Variants in NXF2 observed in about 807,000 individuals in gnomAD.
NXF2 encodes TAP-like protein 2.
chrX:102,282,456 G>T (rs1352737758), intron 2 of NXF2, among the ~76,000 whole-genome samples: 6 of 110,756 alleles, frequency 5.4e-5, no homozygotes, highest in African/African-American at 2.0e-4. Flanking sequence ...CTATGTTTTG[G>T]TTCTCAGGGA....
chrX:102,282,322 A>C (rs1556384097), intron 2 of NXF2, among the ~76,000 whole-genome samples: 2 of 114,737 alleles, frequency 1.7e-5, no homozygotes. Flanking sequence ...CTGCTCTAAC[A>C]GGATAGCACT....
chrX:102,285,935 GTTTT>G, intron 2 of NXF2, among the ~76,000 whole-genome samples: 1 of 32,529 alleles, frequency 3.1e-5, no homozygotes, highest in Non-Finnish European at 4.9e-5. Context: ...TTGTTTGTTT[GTTTT>G]TGTTTTTTTT....
intron 2 of NXF2, among the ~76,000 whole-genome samples, chrX:102,274,518 TTCTTCC>T (rs782014035): frequency 8.8e-4 from 3 of 3,408 alleles, no homozygotes; most frequent in African/African-American, 2.6e-3. Context: ...CTTCTTCTTC[TTCTTCC>T]TCTTCCTCTT....
At position 102,274,515 on chromosome X, in the gene NXF2, TTCTTCTTCC is replaced by T. The variant is rs1348976011; in HGVS notation, c.-54+25963_-54+25971del. 1.8e-3 allele frequency among the ~76,000 whole-genome samples: 7 copies of T among 3,857 alleles called. 1 individual carries two copies. Among genetic ancestry groups the T allele is most frequent in the East Asian group, 4.4e-3 (1 of 228 alleles). The allele number at this position is 3,857 out of a possible 115,157, so 3.3% of individuals were successfully genotyped here. On this transcript the variant is annotated intron_variant, in intron 2 of 22. Transcript: ENST00000625106. ...CTTCTTCTTCTTCTTCTTCTTCTTCTTCTTCTTCCTCTTCCTCTTCCTCTTCCTCTTCTT... is the reference window on the plus strand; with the variant it reads ...CTTCTTCTTCTTCTTCTTCTTCTTCTTCTTCCTCTTCCTCTTCCTCTTCTT...
intron 2 of NXF2, among the ~76,000 whole-genome samples, chrX:102,298,722 G>A (rs1934008184): frequency 8.7e-6 from 1 of 114,547 alleles, no homozygotes; most frequent in African/African-American, 3.2e-5. Context: ...AAACCACTTA[G>A]CCCTTATTCT....
At chrX:102,252,143 C>T (rs1933828368) in intron 2 of NXF2, among the ~76,000 whole-genome samples, 1 of 74,421 alleles carries the variant, frequency 1.3e-5, no homozygotes, top group Non-Finnish European at 2.5e-5. Context: ...CAGCCGCCCG[C>T]CACCTCGCCT....
At chrX:102,294,142 T>G (rs1424751805) in intron 2 of NXF2, among the ~76,000 whole-genome samples, 1 of 97,209 alleles carries the variant, frequency 1.0e-5, no homozygotes, top group Admixed American at 1.1e-4. Flanking sequence ...TATACATATG[T>G]AACAAACCTG....
chrX:102,252,054 G>A (rs1314141517), intron 2 of NXF2, among the ~76,000 whole-genome samples: 2 of 109,292 alleles, frequency 1.8e-5, no homozygotes, highest in African/African-American at 6.7e-5. Context: ...GTGCAGTGGC[G>A]CGATCTCGGC....
chrX:102,282,371 CT>C (rs1210001120), intron 2 of NXF2, among the ~76,000 whole-genome samples: 1 of 114,928 alleles, frequency 8.7e-6, no homozygotes, highest in Non-Finnish European at 1.9e-5. Flanking sequence ...CTCCCTCCCC[CT>C]GCACCCAGAG....
At chrX:102,282,446 C>CT (rs1231892462) in intron 2 of NXF2, among the ~76,000 whole-genome samples, 1 of 112,363 alleles carries the variant, frequency 8.9e-6, no homozygotes, top group African/African-American at 3.2e-5. Context: ...TAATTCAGGA[C>CT]TATGTTTTGG....
At chrX:102,282,395 C>G (rs1307117449) in intron 2 of NXF2, among the ~76,000 whole-genome samples, 1 of 114,265 alleles carries the variant, frequency 8.8e-6, no homozygotes, top group African/African-American at 3.2e-5. Flanking sequence ...GCTCTCCACA[C>G]CATGCTGCTG....
intron 2 of NXF2, among the ~76,000 whole-genome samples, chrX:102,251,965 A>ATGTTT (rs1233142733): frequency 0.012 from 1,298 of 112,590 alleles, 1 homozygote; most frequent in Non-Finnish European, 0.017. Context: ...GGGTTCTGCC[A>ATGTTT]TGTTTTGTTT....
intron 2 of NXF2, among the ~76,000 whole-genome samples, chrX:102,252,142 G>A (rs1365193176): frequency 2.7e-5 from 2 of 73,760 alleles, no homozygotes; most frequent in Non-Finnish European, 5.0e-5. Flanking sequence ...ACAGCCGCCC[G>A]CCACCTCGCC....
chrX:102,252,056 G>C (rs782408165), intron 2 of NXF2, among the ~76,000 whole-genome samples: 2 of 109,075 alleles, frequency 1.8e-5, no homozygotes, highest in South Asian at 7.9e-4. Context: ...GCAGTGGCGC[G>C]ATCTCGGCTC....
At chrX:102,254,608 C>T (rs1259550182) in intron 2 of NXF2, among the ~76,000 whole-genome samples, 1 of 53,806 alleles carries the variant, frequency 1.9e-5, no homozygotes, top group African/African-American at 6.7e-5. Context: ...CTTTTATCTG[C>T]ATTTTCCTGA....
At chrX:102,282,522 A>G (rs782758086) in intron 2 of NXF2, among the ~76,000 whole-genome samples, 1 of 88,143 alleles carries the variant, frequency 1.1e-5, no homozygotes, top group East Asian at 4.2e-4. Context: ...TTTGTCCTAG[A>G]TGACTCTTAT....
Position 102,281,474 on chromosome X carries a change from G to A in NXF2, c.-53-25552G>A, listed in dbSNP as rs369882114. Among the ~76,000 whole-genome samples the A allele has an allele frequency of 4.4e-5, 5 of 114,712 alleles. No homozygotes were observed. In the East Asian group the frequency reaches 8.2e-4, roughly 19 times the overall value. On this transcript the variant is annotated intron_variant, in intron 2 of 22. Coordinates refer to ENST00000625106, the MANE Select transcript of NXF2 (RefSeq NM_022053.4). ...AGTGGGTTCCCTTCTGGCCCAGGAC[G>A]TGTCTAGGAATGTCCTCTAGTAGCT... is the stretch of plus-strand genomic sequence containing the variant.
At chrX:102,281,736 C>G (rs1348934744) in intron 2 of NXF2, among the ~76,000 whole-genome samples, 2 of 78,119 alleles carry the variant, frequency 2.6e-5, no homozygotes, top group Non-Finnish European at 4.8e-5. Context: ...TGACCCCCCC[C>G]CTCCCCCGAC....
chrX:102,281,491 C>T (rs1556383886), intron 2 of NXF2, among the ~76,000 whole-genome samples: 1 of 114,699 alleles, frequency 8.7e-6, no homozygotes. Context: ...GGAATGTCCT[C>T]TAGTAGCTAG....
Sources: allele counts gnomAD v4.1 joint callset (sites outside exome capture counted in the v4.1 genomes callset), GRCh38; gene constraint gnomAD v4.1.1; transcripts MANE v1.5; gene names NCBI Gene and HGNC (gene_info 2026-07-23, HGNC 2026-07-21).